CFAP61: variants seen among roughly 807,000 people sequenced by gnomAD.
CFAP61 encodes cilia- and flagella-associated protein 61.
Under a neutral mutation model 135.6 loss-of-function variants are expected in CFAP61, and 107 were observed. The observed-to-expected ratio is 0.79, with a 90% CI of 0.67 to 0.93. The LOEUF is 0.93. Ranked by LOEUF, CFAP61 falls within the 40% of genes least tolerant of loss-of-function variation. The pLI is 0.00. For missense variants in CFAP61, 1,507 were observed against 1,556.2 expected (o/e 0.97, Z 0.53); for synonymous variants, 575 against 578.5 (o/e 0.99, Z 0.09).
At chr20:20,251,236 C>T (rs991268042) in intron 19 of CFAP61, among the ~76,000 whole-genome samples, 1 of 152,070 alleles carries the variant, frequency 6.6e-6, no homozygotes, top group African/African-American at 2.4e-5. Flanking sequence ...GGTCAATACA[C>T]CAATTTAACA....
At chr20:20,059,828 A>G (rs117954017) in intron 2 of CFAP61, among the ~76,000 whole-genome samples, 3 of 152,268 alleles carry the variant, frequency 2.0e-5, no homozygotes, top group South Asian at 2.1e-4. Context: ...ACAAAGAGAA[A>G]AAATATGAAT....
chr20:20,110,106 C>T (rs1305821823), intron 8 of CFAP61, among the ~76,000 whole-genome samples: 1 of 151,924 alleles, frequency 6.6e-6, no homozygotes, highest in Non-Finnish European at 1.5e-5. Context: ...CGGGGTTTCA[C>T]CGTGTTGGCC....
chr20:20,200,645 A>AG, intron 17 of CFAP61: 1 of 976,192 alleles, frequency 1.0e-6, no homozygotes, highest in Non-Finnish European at 1.2e-6. Flanking sequence ...AAAAAAAAAA[A>AG]AAATCCCTCA....
chr20:20,213,635 C>A (rs1310921025), intron 17 of CFAP61, among the ~76,000 whole-genome samples: 1 of 151,918 alleles, frequency 6.6e-6, no homozygotes, highest in Non-Finnish European at 1.5e-5. Flanking sequence ...TTAAATAATT[C>A]TTTTTAATAT....
intron 17 of CFAP61, among the ~76,000 whole-genome samples, chr20:20,204,533 A>G (rs1323024811): frequency 1.3e-5 from 2 of 152,080 alleles, no homozygotes; most frequent in African/African-American, 2.4e-5. Context: ...CTGTTACTGG[A>G]TACTGTTTCA....
At chr20:20,068,243 G>T (rs1356897920) in intron 2 of CFAP61, among the ~76,000 whole-genome samples, 1 of 152,236 alleles carries the variant, frequency 6.6e-6, no homozygotes, top group East Asian at 1.9e-4. Context: ...CGTCAGAGCT[G>T]ACATGTACAG....
chr20:20,273,612 T>C (rs75886531), intron 21 of CFAP61, among the ~76,000 whole-genome samples: 1,756 of 152,338 alleles, frequency 0.012, 39 homozygotes, highest in African/African-American at 0.041. Flanking sequence ...ATGTATCTGG[T>C]CAGGAAATAG....
At chr20:20,174,728 C>T (rs2054478838) in intron 13 of CFAP61, among the ~76,000 whole-genome samples, 1 of 149,796 alleles carries the variant, frequency 6.7e-6, no homozygotes, top group African/African-American at 2.5e-5. Context: ...GAAGGGAGAG[C>T]AACCCCCACC....
intron 6 of CFAP61, among the ~76,000 whole-genome samples, chr20:20,086,321 C>T (rs2046798551): frequency 9.6e-6 from 1 of 104,610 alleles, no homozygotes; most frequent in Non-Finnish European, 1.8e-5. Flanking sequence ...CCCCCCTCCC[C>T]CCACCCCACA....
At position 20,359,708 on chromosome 20, in the gene CFAP61, A is replaced by G. The variant is rs1225549158; in HGVS notation, c.3514-502A>G. On this transcript the variant is annotated intron_variant, in intron 26 of 26. Transcript: ENST00000245957. This position sits in a 1 kb window ranked among gnomAD's most constrained non-coding sequence, Gnocchi z 4.0. ...CAACAACAACAACAAAACAAGTATG[A>G]TCTACAGATGATTTTTATCTGAAAA... Among the ~76,000 whole-genome samples the G allele has an allele frequency of 2.0e-5, 3 of 152,214 alleles. No individual in the cohort carries two copies. Among genetic ancestry groups the G allele is most frequent in the African/African-American group, 7.2e-5 (3 of 41,466 alleles).
At chr20:20,122,000 C>T (rs2049683178) in intron 8 of CFAP61, among the ~76,000 whole-genome samples, 1 of 151,868 alleles carries the variant, frequency 6.6e-6, no homozygotes, top group South Asian at 2.1e-4. Flanking sequence ...TATTTGGCTA[C>T]ATGAGTAAGT....
chr20:20,306,609 G>A (rs1205322701), intron 25 of CFAP61, among the ~76,000 whole-genome samples: 1 of 152,126 alleles, frequency 6.6e-6, no homozygotes, highest in African/African-American at 2.4e-5. Context: ...TTGAGCCCCA[G>A]TTAACATCAA....
At chr20:20,251,895 A>C in intron 20 of CFAP61, 132 bp downstream of exon 20, 1 of 948,238 alleles carries the variant, frequency 1.1e-6, no homozygotes, top group Non-Finnish European at 1.6e-6. Flanking sequence ...CTCTAAATTC[A>C]TAAAAGCACC....
At chr20:20,115,660 G>T (rs1214772151) in intron 8 of CFAP61, among the ~76,000 whole-genome samples, 1 of 151,904 alleles carries the variant, frequency 6.6e-6, no homozygotes, top group Non-Finnish European at 1.5e-5. Context: ...CATTTTTTTA[G>T]CTCCCATATA....
chr20:20,059,567 G>A (rs894090842), intron 2 of CFAP61, among the ~76,000 whole-genome samples: 2 of 151,774 alleles, frequency 1.3e-5, no homozygotes, highest in Non-Finnish European at 2.9e-5. Context: ...GCAGTGAGCC[G>A]AGATCGCACC....
At chr20:20,298,429 A>G (rs762686968) in intron 25 of CFAP61, 43 bp downstream of exon 25, 1 of 1,513,460 alleles carries the variant, frequency 6.6e-7, no homozygotes, top group Non-Finnish European at 9.1e-7. Context: ...ATACAAATAT[A>G]TATATAATGT....
At chr20:20,210,858 G>T (rs866715768) in intron 17 of CFAP61, among the ~76,000 whole-genome samples, 1 of 152,116 alleles carries the variant, frequency 6.6e-6, no homozygotes, top group African/African-American at 2.4e-5. Context: ...AGGCACAGTG[G>T]CTCATACCTG....
rs1041498131 is a variant in CFAP61 at position 20,089,851 on chromosome 20, C to T, written c.567-993C>T. ...GATGTCCCCAGGAGGGTGAGCAGTG[C>T]TCCATCACTTCACCAGCCTTCCCCT... On this transcript the variant is annotated intron_variant, in intron 6 of 26. Transcript: ENST00000245957. Among the ~76,000 whole-genome samples, 8 of 152,318 alleles carry T rather than the reference C, an allele frequency of 5.3e-5. No individual in the cohort carries two copies. The South Asian group carries it at 8.3e-4, about 16-fold the overall frequency.
intron 8 of CFAP61, among the ~76,000 whole-genome samples, chr20:20,127,074 G>GT (rs1448105780): frequency 6.6e-6 from 1 of 151,506 alleles, no homozygotes; most frequent in Non-Finnish European, 1.5e-5. Context: ...ATGTTTTATT[G>GT]TTTTTTCTTT....
Sources: allele counts gnomAD v4.1 joint callset (sites outside exome capture counted in the v4.1 genomes callset), GRCh38; gene constraint gnomAD v4.1.1; non-coding constraint Gnocchi (gnomAD v3.1); transcripts MANE v1.5; gene names NCBI Gene and HGNC (gene_info 2026-07-23, HGNC 2026-07-21).